CDH12: variants seen among roughly 807,000 people sequenced by gnomAD.
The protein encoded by CDH12 is cadherin-12.
A neutral mutation model predicts 74.1 loss-of-function variants in CDH12; 41 were observed. The observed-to-expected ratio is 0.55, with a 90% CI of 0.43 to 0.72. The LOEUF is 0.72. Ranked by LOEUF, CDH12 falls within the 30% of genes least tolerant of loss-of-function variation. The pLI is 0.00. For synonymous variants in CDH12, 399 were observed against 355.0 expected (o/e 1.12, Z -1.39); for missense variants, 945 against 977.2 (o/e 0.97, Z 0.44).
chr5:22,722,425 T>C (rs1301926036), intron 1 of CDH12, among the ~76,000 whole-genome samples: 1 of 152,138 alleles, frequency 6.6e-6, no homozygotes, highest in Admixed American at 6.5e-5. Context: ...ACTTAAACAA[T>C]AAAGAAAGAT....
intron 1 of CDH12, among the ~76,000 whole-genome samples, chr5:22,651,815 A>C (rs1439191933): frequency 6.6e-6 from 1 of 152,098 alleles, no homozygotes; most frequent in African/African-American, 2.4e-5. Flanking sequence ...CAATGGTTGA[A>C]TTTTATGGTC....
At chr5:21,800,911 A>C (rs910995171) in intron 10 of CDH12, among the ~76,000 whole-genome samples, 1 of 152,096 alleles carries the variant, frequency 6.6e-6, no homozygotes, top group African/African-American at 2.4e-5. Context: ...TTCCGCCATG[A>C]TTGTAAGTTT....
At chr5:22,798,926 C>T (rs560862826) in intron 1 of CDH12, among the ~76,000 whole-genome samples, 1 of 151,958 alleles carries the variant, frequency 6.6e-6, no homozygotes, top group Non-Finnish European at 1.5e-5. Context: ...ATCAGCCTGG[C>T]CAGCATGACA....
chr5:21,806,559 GATTAGATTCTGTAACTT>G (rs1422025260), intron 9 of CDH12, among the ~76,000 whole-genome samples: 3 of 152,150 alleles, frequency 2.0e-5, no homozygotes, highest in African/African-American at 7.2e-5. Context: ...TTGAGATGGT[GATTAGATTCTGTAACTT>G]ATTGGGAAAT....
chr5:22,643,349 C>G lies in CDH12; in HGVS notation c.-522-137985G>C, dbSNP rs527951322. On this transcript the variant is annotated intron_variant, in intron 1 of 14. Coordinates refer to ENST00000382254, the MANE Select transcript of CDH12 (RefSeq NM_004061.5). ...GAGCTCCTGAAATTTGTGTGATTTG[C>G]CTATCATTGATTACAAAGAAAGTTT... Among the ~76,000 whole-genome samples, 9 of 152,110 alleles carry G rather than the reference C, an allele frequency of 5.9e-5. No individual in the cohort carries two copies. In the East Asian group the frequency reaches 1.7e-3, roughly 29 times the overall value.
chr5:21,895,264 G>C (rs7448545), intron 6 of CDH12, among the ~76,000 whole-genome samples: 147,786 of 152,266 alleles, frequency 0.97, 71,852 homozygotes, highest in Non-Finnish European at 1. Flanking sequence ...CATACCCCAT[G>C]TTTAGAGGTA....
At chr5:22,613,988 A>G (rs543409754) in intron 1 of CDH12, among the ~76,000 whole-genome samples, 67 of 152,224 alleles carry the variant, frequency 4.4e-4, no homozygotes, top group African/African-American at 1.6e-3. Context: ...ATATGAAGTG[A>G]CAGTCTGGCT....
chr5:21,802,373 A>G lies in CDH12; in HGVS notation c.1050T>C (p.Ala350=). ...ACCGGTGGTCAAGGTGAAGGTTGGA[A>G]GCCTCAACTTTGAAAGTGTATGCCT... is the stretch of plus-strand genomic sequence containing the variant. The part of the protein sequence containing the change: ...TKKAYTFKVE[A]SNLHLDHRFH... The change falls in exon 10 of 15, where the codon GCT becomes GCC. Residue 350 remains alanine (A), a synonymous_variant. Transcript: ENST00000382254. 6.2e-7 allele frequency: 1 copy of G among 1,613,932 alleles called. No homozygotes were observed. The highest frequency in any genetic ancestry group is 8.5e-7 in the Non-Finnish European group (1 of 1,179,926).
At chr5:22,202,147 T>TTTCTTTCC (rs1554020295) in intron 4 of CDH12, among the ~76,000 whole-genome samples, 5 of 41,062 alleles carry the variant, frequency 1.2e-4, no homozygotes, top group Non-Finnish European at 2.0e-4. Context: ...CCCTCCCTAC[T>TTTCTTTCC]TTCCTTCCTT....
intron 10 of CDH12, among the ~76,000 whole-genome samples, chr5:21,792,711 T>C (rs181007333): frequency 6.6e-6 from 1 of 151,522 alleles, no homozygotes; most frequent in Non-Finnish European, 1.5e-5. Context: ...CTGACCACTG[T>C]ATTTTGTCTT....
intron 3 of CDH12, among the ~76,000 whole-genome samples, chr5:22,374,597 G>C (rs768850446): frequency 5.9e-5 from 9 of 151,918 alleles, no homozygotes; most frequent in Non-Finnish European, 1.3e-4. Context: ...TTTTGATAAA[G>C]AAATTCAGTA....
chr5:22,534,568 C>G, intron 1 of CDH12, among the ~76,000 whole-genome samples: 1 of 152,090 alleles, frequency 6.6e-6, no homozygotes. Context: ...TTTTTGAAGA[C>G]CTGTCACTCT....
chr5:21,926,913 G>A (rs1162595900), intron 6 of CDH12, among the ~76,000 whole-genome samples: 1 of 152,136 alleles, frequency 6.6e-6, no homozygotes, highest in African/African-American at 2.4e-5. Context: ...ACATGGAGGA[G>A]GAGTTGGTGA....
chr5:22,545,097 C>T (rs1379555096), intron 1 of CDH12, among the ~76,000 whole-genome samples: 1 of 152,144 alleles, frequency 6.6e-6, no homozygotes, highest in Non-Finnish European at 1.5e-5. Flanking sequence ...ATGCCTCTGG[C>T]TACTTTTGAG....
At chr5:22,258,136 A>G (rs1335839102) in intron 3 of CDH12, among the ~76,000 whole-genome samples, 1 of 151,978 alleles carries the variant, frequency 6.6e-6, no homozygotes, top group Admixed American at 6.6e-5. Flanking sequence ...CCATCTTGTG[A>G]AAGGTTTCTG....
At chr5:22,340,475 G>A (rs1299538856) in intron 3 of CDH12, among the ~76,000 whole-genome samples, 4 of 149,248 alleles carry the variant, frequency 2.7e-5, no homozygotes, top group Non-Finnish European at 5.9e-5. Flanking sequence ...GCAGTGAGCC[G>A]AGATCGCACC....
intron 5 of CDH12, among the ~76,000 whole-genome samples, chr5:22,009,955 A>AG (rs1553998896): frequency 6.6e-6 from 1 of 151,000 alleles, no homozygotes; most frequent in African/African-American, 2.4e-5. Flanking sequence ...AAAAAAAAAA[A>AG]AAAAGAAAAA....
chr5:21,841,409 G>A (rs1284331383), intron 8 of CDH12, among the ~76,000 whole-genome samples: 7 of 151,516 alleles, frequency 4.6e-5, no homozygotes, highest in African/African-American at 1.5e-4. Context: ...CACTGTTGGT[G>A]GGACTGTAAA....
intron 4 of CDH12, among the ~76,000 whole-genome samples, chr5:22,171,372 C>T (rs1749019653): frequency 6.6e-6 from 1 of 151,848 alleles, no homozygotes; most frequent in Non-Finnish European, 1.5e-5. Context: ...TAAGATGTTG[C>T]TTAGATGTAA....
Sources: gnomAD v4.1 joint callset for allele counts (sites outside exome capture counted in the v4.1 genomes callset) on GRCh38, gnomAD v4.1.1 for gene constraint, MANE v1.5 for transcripts, NCBI Gene and HGNC (gene_info 2026-07-23, HGNC 2026-07-21) for gene names.